The following ADGRB3 variants were observed in gnomAD, a reference collection of about 807,000 sequenced individuals.
ADGRB3 encodes the protein adhesion G protein-coupled receptor B3, also known as brain-specific angiogenesis inhibitor 3.
A neutral mutation model predicts 193.4 loss-of-function variants in ADGRB3; 37 were observed. That is an observed-to-expected ratio of 0.19 (90% CI 0.15 to 0.25). The LOEUF (loss-of-function observed/expected upper bound fraction) is 0.25. ADGRB3 is among the 10% of genes least tolerant of loss of function. The pLI, the probability that ADGRB3 is intolerant of heterozygous loss-of-function variation, is 1.00. For synonymous variants in ADGRB3, 690 were observed against 644.2 expected, an observed-to-expected ratio of 1.07 and a Z score of -1.08; for missense variants, 1,637 against 1,852.9, an observed-to-expected ratio of 0.88 and a Z score of 2.14.
chr6:68,684,611 T>C (rs966335379), intron 3 of ADGRB3, among the ~76,000 whole-genome samples: 1 of 152,114 alleles, frequency 6.6e-6, no homozygotes, highest in Admixed American at 6.5e-5. Context: ...AGGAACTTGA[T>C]TTCCATTGGG....
At chr6:68,726,983 G>C (rs1022932579) in intron 3 of ADGRB3, among the ~76,000 whole-genome samples, 7 of 151,514 alleles carry the variant, frequency 4.6e-5, no homozygotes, top group Non-Finnish European at 1.5e-5. Context: ...GATTTGCTCA[G>C]TCAACTTCAC....
intron 17 of ADGRB3, among the ~76,000 whole-genome samples, chr6:69,218,631 C>G (rs1765825065): frequency 6.6e-6 from 1 of 152,130 alleles, no homozygotes; most frequent in African/African-American, 2.4e-5. Flanking sequence ...TGTTCCTGTT[C>G]TTTGTGCTTG....
chr6:69,106,591 AT>A (rs2150323854), intron 17 of ADGRB3, among the ~76,000 whole-genome samples: 1 of 152,358 alleles, frequency 6.6e-6, no homozygotes, highest in South Asian at 2.1e-4. Context: ...GGTCAGATCC[AT>A]TTGTTCACCA....
At chr6:69,226,263 G>A (rs1766012849) in intron 17 of ADGRB3, among the ~76,000 whole-genome samples, 1 of 152,098 alleles carries the variant, frequency 6.6e-6, no homozygotes, top group Non-Finnish European at 1.5e-5. Flanking sequence ...CAATAACCTA[G>A]CACAGCACCT....
intron 3 of ADGRB3, among the ~76,000 whole-genome samples, chr6:68,929,153 A>T (rs767566029): frequency 6.6e-6 from 1 of 152,178 alleles, no homozygotes; most frequent in African/African-American, 2.4e-5. Flanking sequence ...ACATTTTGTT[A>T]TTGATAAGCA....
Position 68,638,903 on chromosome 6 carries a change from G to T in ADGRB3, c.228G>T (p.Lys76Asn). 6.2e-7 allele frequency: 1 copy of T among 1,614,076 alleles called. No homozygotes were observed. Among genetic ancestry groups the T allele is most frequent in the Non-Finnish European group, 8.5e-7 (1 of 1,180,008 alleles). ...KYSIYLKFSK[K>N]DLSCSNFSLL... ...GCATTTACCTGAAATTTTCCAAAAA[G>T]GACCTTAGCTGCTCTAACTTTTCAC... Residue 76 changes from lysine (K) to asparagine (N), a missense_variant, in exon 3 of 32, where the codon AAG becomes AAT. Lys to Asn is a moderately conservative substitution (Grantham distance 94). Transcript: ENST00000370598.
intron 20 of ADGRB3, among the ~76,000 whole-genome samples, chr6:69,260,728 G>A (rs1766905521): frequency 6.6e-6 from 1 of 151,998 alleles, no homozygotes; most frequent in Admixed American, 6.6e-5. Context: ...TCTTACTTAG[G>A]GAGAATCCTA....
At chr6:68,901,577 A>C (rs142794034) in intron 3 of ADGRB3, among the ~76,000 whole-genome samples, 1 of 152,326 alleles carries the variant, frequency 6.6e-6, no homozygotes, top group Non-Finnish European at 1.5e-5. Context: ...TGCTACACTA[A>C]GTAAATTTTA....
At chr6:69,264,365 C>T (rs575101532) in intron 20 of ADGRB3, among the ~76,000 whole-genome samples, 3 of 152,012 alleles carry the variant, frequency 2.0e-5, no homozygotes, top group Admixed American at 6.6e-5. Context: ...TTTAACCTGA[C>T]CTGCCAGTCT....
At chr6:68,872,616 A>T (rs1380585692) in intron 3 of ADGRB3, among the ~76,000 whole-genome samples, 1 of 152,086 alleles carries the variant, frequency 6.6e-6, no homozygotes, top group Non-Finnish European at 1.5e-5. Context: ...CACCAAAATG[A>T]TTGGCCCTTG....
chr6:69,388,797 C>A lies in ADGRB3; in HGVS notation c.4475C>A (p.Ala1492Glu), dbSNP rs777555568. ...YTTINVLDTE[A>E]KDALELRPAE... ...ACAATCAATGTCTTAGACACAGAGGCAAAGGATGCTTTGGAACTGAGGCCA... is the reference window on the plus strand; with the variant it reads ...ACAATCAATGTCTTAGACACAGAGGAAAAGGATGCTTTGGAACTGAGGCCA... Residue 1492 changes from alanine (A) to glutamate (E), a missense_variant, in exon 32 of 32, where the codon GCA (alanine) becomes GAA (glutamate). By Grantham distance (107) the Ala-to-Glu change is moderately radical. Transcript: ENST00000370598. The A allele has an allele frequency of 1.2e-6, 2 of 1,613,484 alleles. No individual in the cohort carries two copies. Among genetic ancestry groups the A allele is most frequent in the South Asian group, 1.1e-5 (1 of 91,070 alleles).
At chr6:68,784,819 CT>C (rs1338568166) in intron 3 of ADGRB3, among the ~76,000 whole-genome samples, 2 of 152,056 alleles carry the variant, frequency 1.3e-5, no homozygotes, top group African/African-American at 4.8e-5. Context: ...ATGGAGGTAG[CT>C]GTATATCAGC....
intron 13 of ADGRB3, among the ~76,000 whole-genome samples, chr6:69,021,225 A>G (rs903163406): frequency 1.3e-5 from 2 of 151,922 alleles, no homozygotes; most frequent in African/African-American, 4.8e-5. Flanking sequence ...GATTAAGACT[A>G]CTTAAAGAAC....
At chr6:69,236,003 A>G (rs1003540177) in intron 19 of ADGRB3, among the ~76,000 whole-genome samples, 6 of 151,894 alleles carry the variant, frequency 4.0e-5, no homozygotes, top group African/African-American at 1.4e-4. Context: ...AAATTACCTA[A>G]TATTTTCAGA....
chr6:68,839,498 C>T (rs147773890), intron 3 of ADGRB3, among the ~76,000 whole-genome samples: 2 of 152,272 alleles, frequency 1.3e-5, no homozygotes, highest in African/African-American at 4.8e-5. Flanking sequence ...AGAGATAAGA[C>T]TTTTTGATGA....
chr6:68,770,331 G>A (rs929674529), intron 3 of ADGRB3, among the ~76,000 whole-genome samples: 8 of 152,060 alleles, frequency 5.3e-5, no homozygotes, highest in Non-Finnish European at 7.4e-5. Flanking sequence ...CCCTCTTCTC[G>A]TCACTTTGCA....
chr6:69,153,050 T>C lies in ADGRB3; in HGVS notation c.2480+77012T>C, dbSNP rs1190517045. The stretch of plus-strand genomic sequence containing the variant: ...AGTCATAAGCAATAACATGTAGCTA[T>C]AGAAGTTAATTTCACATGAAGCGTC... On this transcript the variant is annotated intron_variant, in intron 17 of 31. Transcript: ENST00000370598. Among the ~76,000 whole-genome samples, 5 of 152,138 alleles carry C rather than the reference T, an allele frequency of 3.3e-5. No homozygotes were observed. The East Asian group carries it at 9.6e-4, about 29-fold the overall frequency.
chr6:69,283,863 T>C (rs1339591122), intron 20 of ADGRB3, among the ~76,000 whole-genome samples: 1 of 152,180 alleles, frequency 6.6e-6, no homozygotes, highest in African/African-American at 2.4e-5. Context: ...AAAGCATGTT[T>C]AGGCAGCGGT....
chr6:69,000,192 A>T (rs185726530), intron 11 of ADGRB3, among the ~76,000 whole-genome samples: 2 of 151,918 alleles, frequency 1.3e-5, no homozygotes. Context: ...GTTTCTGTAA[A>T]AAAAAGAAAC....
Sources: allele counts gnomAD v4.1 joint callset (sites outside exome capture counted in the v4.1 genomes callset), GRCh38; gene constraint gnomAD v4.1.1; transcripts MANE v1.5; gene names NCBI Gene and HGNC (gene_info 2026-07-23, HGNC 2026-07-21).